SOX6: variants seen among roughly 807,000 people sequenced by gnomAD.
SOX6 encodes transcription factor SOX-6.
A neutral mutation model predicts 97.8 loss-of-function variants in SOX6; 11 were observed. The observed-to-expected ratio is 0.11, with a 90% CI of 0.07 to 0.19. The LOEUF is 0.19. Ranked by LOEUF, SOX6 falls within the 10% of genes least tolerant of loss-of-function variation. The probability of loss-of-function intolerance (pLI) is 1.00; values close to 1 mark genes in which losing one functional copy is unlikely to be tolerated. For missense variants in SOX6, 810 were observed against 1,039.5 expected (o/e 0.78, Z 3.04); for synonymous variants, 360 against 371.4 (o/e 0.97, Z 0.35).
chr11:16,599,884 G>T (rs1848249586), intron 4 of SOX6, among the ~76,000 whole-genome samples: 1 of 152,100 alleles, frequency 6.6e-6, no homozygotes, highest in Non-Finnish European at 1.5e-5. Context: ...AGAGGAGCAA[G>T]AAGAGATTCT....
At chr11:16,401,371 T>A (rs1858554055) in intron 1 of SOX6, among the ~76,000 whole-genome samples, 1 of 151,410 alleles carries the variant, frequency 6.6e-6, no homozygotes, top group Admixed American at 6.6e-5. Context: ...GGAGCGTTAA[T>A]AGTTACCAAA....
intron 3 of SOX6, among the ~76,000 whole-genome samples, chr11:16,685,057 C>G (rs1435454074): frequency 6.6e-6 from 1 of 152,124 alleles, no homozygotes; most frequent in African/African-American, 2.4e-5. Context: ...CATGAGGGAT[C>G]TGCCCCCATG....
chr11:16,517,103 A>C (rs1386546344), intron 4 of SOX6, among the ~76,000 whole-genome samples: 1 of 151,356 alleles, frequency 6.6e-6, no homozygotes, highest in Non-Finnish European at 1.5e-5. Flanking sequence ...ATAGATGCAG[A>C]AAAGGCCTTT....
At chr11:16,401,028 A>G (rs1267218836) in intron 1 of SOX6, among the ~76,000 whole-genome samples, 1 of 151,532 alleles carries the variant, frequency 6.6e-6, no homozygotes, top group Non-Finnish European at 1.5e-5. Context: ...GCAGTCTTAC[A>G]ATATTCTGCC....
At chr11:16,001,957 A>T (rs1854419306) in intron 13 of SOX6, among the ~76,000 whole-genome samples, 1 of 152,220 alleles carries the variant, frequency 6.6e-6, no homozygotes, top group Admixed American at 6.5e-5. Flanking sequence ...TAACTCTGCT[A>T]CTGCTCTGAA....
At chr11:16,495,395 G>A (rs1275436884) in intron 4 of SOX6, among the ~76,000 whole-genome samples, 1 of 152,104 alleles carries the variant, frequency 6.6e-6, no homozygotes, top group African/African-American at 2.4e-5. Context: ...GGGGGACTTG[G>A]GACAGATCCA....
chr11:16,197,589 G>A (rs1425412664), intron 4 of SOX6, among the ~76,000 whole-genome samples: 1 of 152,138 alleles, frequency 6.6e-6, no homozygotes, highest in Non-Finnish European at 1.5e-5. Context: ...GTTAAATATA[G>A]CTGGATAAAT....
At chr11:16,673,264 G>A (rs549778489) in intron 3 of SOX6, among the ~76,000 whole-genome samples, 2 of 151,930 alleles carry the variant, frequency 1.3e-5, no homozygotes, top group Admixed American at 1.3e-4. Flanking sequence ...GGTCAAAGCA[G>A]AAATAAATGA....
At chr11:16,487,029 C>T (rs900608690) in intron 4 of SOX6, among the ~76,000 whole-genome samples, 2 of 152,038 alleles carry the variant, frequency 1.3e-5, no homozygotes, top group African/African-American at 4.8e-5. Context: ...TCCTAGCACA[C>T]TAAAATTCAA....
chr11:16,616,188 C>T (rs1013803428), intron 3 of SOX6, among the ~76,000 whole-genome samples: 4 of 151,970 alleles, frequency 2.6e-5, no homozygotes, highest in East Asian at 3.9e-4. Context: ...CATTTTAGCC[C>T]GCCTAGAAAA....
At chr11:16,583,614 C>CATATATATATATATATATAT (rs534690651) in intron 4 of SOX6, among the ~76,000 whole-genome samples, 126 of 104,390 alleles carry the variant, frequency 1.2e-3, no homozygotes, top group African/African-American at 2.6e-3. Context: ...TATATATATA[C>CATATATATATATATATATAT]ATATATATAT....
chr11:16,409,045 C>T (rs1475141032), intron 1 of SOX6, among the ~76,000 whole-genome samples: 2 of 152,054 alleles, frequency 1.3e-5, no homozygotes, highest in Admixed American at 6.6e-5. Flanking sequence ...AACTTTGGTG[C>T]AAGAGGCTTT....
At chr11:16,349,708 G>A (rs1269697768) in intron 1 of SOX6, among the ~76,000 whole-genome samples, 11 of 43,880 alleles carry the variant, frequency 2.5e-4, no homozygotes, top group African/African-American at 8.3e-4. Context: ...AAGGAAGGAA[G>A]GAAGGAAGAA....
At chr11:16,483,535 C>A (rs1010844315) in intron 4 of SOX6, among the ~76,000 whole-genome samples, 40 of 152,052 alleles carry the variant, frequency 2.6e-4, no homozygotes, top group African/African-American at 9.4e-4. Flanking sequence ...AAAAGAAGGG[C>A]AAAGCAAACT....
intron 3 of SOX6, among the ~76,000 whole-genome samples, chr11:16,692,076 TGTGTGTGTGTGTGCGCGC>T (rs1253403583): frequency 4.6e-5 from 6 of 129,458 alleles, no homozygotes; most frequent in Admixed American, 1.6e-4. Context: ...TGTGTGTGTG[TGTGTGTGTGTGTGCGCGC>T]GCGCGCTTTC....
At chr11:15,981,830 T>C (rs1304177314) in intron 15 of SOX6, among the ~76,000 whole-genome samples, 1 of 152,098 alleles carries the variant, frequency 6.6e-6, no homozygotes, top group African/African-American at 2.4e-5. Context: ...GTATTATTTT[T>C]CTAGAATAAT....
chr11:16,553,996 T>C (rs1049610128), intron 4 of SOX6, among the ~76,000 whole-genome samples: 1 of 152,074 alleles, frequency 6.6e-6, no homozygotes, highest in Non-Finnish European at 1.5e-5. Flanking sequence ...GTTTAGAAAG[T>C]GGTAGGCCCT....
At chr11:16,267,597 T>C (rs1206796827) in intron 3 of SOX6, among the ~76,000 whole-genome samples, 1 of 151,462 alleles carries the variant, frequency 6.6e-6, no homozygotes, top group Non-Finnish European at 1.5e-5. Flanking sequence ...TGTTAGTGGG[T>C]ATGTAAGTTA....
rs1049603274 is a variant in SOX6 at position 16,234,578 on chromosome 11, G to A, written c.535+4C>T. 2 of 1,518,500 alleles carry A rather than the reference G, an allele frequency of 1.3e-6. No individual in the cohort carries two copies. The highest frequency in any genetic ancestry group is 2.7e-5 in the African/African-American group (2 of 73,162). 94.1% of individuals were successfully genotyped at this position (1,518,500 alleles called of 1,614,324 possible). ...TGACATGTTCGATATATTTTATGTTGTACCTTTAATTTCTCCAAGAAGTTC... is the reference window on the plus strand; with the variant it reads ...TGACATGTTCGATATATTTTATGTTATACCTTTAATTTCTCCAAGAAGTTC... On this transcript the variant is annotated splice_donor_region_variant and intron_variant, in intron 4 of 15. Coordinates refer to ENST00000683767, the MANE Select transcript of SOX6 (RefSeq NM_001367873.1).
Sources: gnomAD v4.1 joint callset for allele counts (sites outside exome capture counted in the v4.1 genomes callset) on GRCh38, gnomAD v4.1.1 for gene constraint, MANE v1.5 for transcripts, NCBI Gene and HGNC (gene_info 2026-07-23, HGNC 2026-07-21) for gene names.